Variants in DNAJC5B observed in about 807,000 individuals in gnomAD.
DNAJC5B encodes DnaJ heat shock protein family (Hsp40) member C5 beta.
A neutral mutation model predicts 24.7 loss-of-function variants in DNAJC5B; 23 were observed. The observed-to-expected ratio is 0.93, with a 90% CI of 0.67 to 1.32. The LOEUF (loss-of-function observed/expected upper bound fraction) is 1.32, where lower values mean the gene tolerates loss of function less well. DNAJC5B is among the 40% of genes most tolerant of loss of function. The pLI is 0.00. For missense variants in DNAJC5B, 238 were observed against 240.8 expected, an observed-to-expected ratio of 0.99 and a Z score of 0.08; for synonymous variants, 101 against 90.1, an observed-to-expected ratio of 1.12 and a Z score of -0.68.
intron 3 of DNAJC5B, among the ~76,000 whole-genome samples, chr8:66,066,113 C>T (rs530381601): frequency 1.3e-5 from 2 of 152,224 alleles, no homozygotes; most frequent in East Asian, 3.9e-4. Context: ...AAATGGCCAA[C>T]AAACATATTT....
intron 3 of DNAJC5B, among the ~76,000 whole-genome samples, chr8:66,074,325 G>A (rs768188973): frequency 6.6e-6 from 1 of 152,178 alleles, no homozygotes; most frequent in Non-Finnish European, 1.5e-5. Flanking sequence ...AGAGAATGGA[G>A]CAAAACATTG....
chr8:66,090,804 C>T (rs1586118306), intron 5 of DNAJC5B, among the ~76,000 whole-genome samples: 1 of 152,288 alleles, frequency 6.6e-6, no homozygotes, highest in Non-Finnish European at 1.5e-5. Context: ...CATCCTTCCC[C>T]TTTTTGCCAC....
At chr8:66,079,741 C>G (rs892650050) in intron 4 of DNAJC5B, among the ~76,000 whole-genome samples, 2 of 152,140 alleles carry the variant, frequency 1.3e-5, no homozygotes, top group Non-Finnish European at 2.9e-5. Context: ...ATCAGCAATG[C>G]GCAGCATGGA....
intron 4 of DNAJC5B, 110 bp from the exon 5 acceptor site, chr8:66,080,267 T>C: frequency 6.8e-7 from 1 of 1,463,166 alleles, no homozygotes; most frequent in East Asian, 2.3e-5. Flanking sequence ...TGGGGTGAAC[T>C]GTGAAGTGTT....
chr8:66,066,902 A>G (rs1394951444), intron 3 of DNAJC5B, among the ~76,000 whole-genome samples: 1 of 152,230 alleles, frequency 6.6e-6, no homozygotes. Context: ...AAACAGATGT[A>G]TAAAAACCTG....
rs757736263 is a variant in DNAJC5B at position 66,051,562 on chromosome 8, A to G, written c.15A>G (p.Ile5Met). 20 of 1,613,732 alleles carry G rather than the reference A, an allele frequency of 1.2e-5. 1 individual carries two copies. The South Asian group carries it at 2.0e-4, about 16-fold the overall frequency. The stretch of plus-strand genomic sequence containing the variant: ...AGCCTTAGAAAATGGCATGTAACAT[A>G]CCTAACCAAAGACAGCGGACTCTGT... MACN[I>M]PNQRQRTLST... Residue 5 changes from isoleucine to methionine, a missense_variant, in exon 3 of 6, where the codon ATA (isoleucine) becomes ATG (methionine). Ile to Met is a conservative substitution (Grantham distance 10, BLOSUM62 1). Transcript: ENST00000276570.
At chr8:66,064,781 T>C (rs1480060281) in intron 3 of DNAJC5B, among the ~76,000 whole-genome samples, 1 of 152,142 alleles carries the variant, frequency 6.6e-6, no homozygotes, top group African/African-American at 2.4e-5. Flanking sequence ...CCCACTGGTG[T>C]CAGAAGTTCA....
At chr8:66,083,282 A>T (rs1807644078) in intron 5 of DNAJC5B, among the ~76,000 whole-genome samples, 1 of 151,986 alleles carries the variant, frequency 6.6e-6, no homozygotes, top group African/African-American at 2.4e-5. Context: ...AAGTGTTAGG[A>T]TTACAGGTGT....
At chr8:66,046,247 T>C (rs576913640) in intron 2 of DNAJC5B, among the ~76,000 whole-genome samples, 59 of 152,276 alleles carry the variant, frequency 3.9e-4, no homozygotes, top group African/African-American at 1.4e-3. Context: ...CTTTCCTAAC[T>C]AACCCCTTCA....
chr8:66,034,443 A>C (rs945443367), intron 1 of DNAJC5B, among the ~76,000 whole-genome samples: 2 of 151,994 alleles, frequency 1.3e-5, no homozygotes, highest in Non-Finnish European at 2.9e-5. Context: ...CAGCAGTTAC[A>C]ATGGTGATCT....
At chr8:66,032,790 C>G (rs1445310731) in intron 1 of DNAJC5B, among the ~76,000 whole-genome samples, 1 of 152,220 alleles carries the variant, frequency 6.6e-6, no homozygotes, top group Non-Finnish European at 1.5e-5. Flanking sequence ...TGATACATTG[C>G]TGTTCCTCAT....
At chr8:66,051,797 C>G in intron 3 of DNAJC5B, 131 bp downstream of exon 3, 1 of 691,240 alleles carries the variant, frequency 1.4e-6, no homozygotes, top group Non-Finnish European at 2.5e-6. Context: ...GTTCCCTGCT[C>G]TACAACATAG....
chr8:66,084,695 A>G (rs1486844376), intron 5 of DNAJC5B, among the ~76,000 whole-genome samples: 1 of 152,188 alleles, frequency 6.6e-6, no homozygotes, highest in Non-Finnish European at 1.5e-5. Context: ...GGCACCACTC[A>G]AGGATACCAA....
intron 1 of DNAJC5B, among the ~76,000 whole-genome samples, chr8:66,023,122 G>A (rs1348566248): frequency 6.6e-6 from 1 of 152,194 alleles, no homozygotes; most frequent in Non-Finnish European, 1.5e-5. Context: ...GTTTCCAGGA[G>A]AAACCACACA....
At chr8:66,061,610 A>T (rs10111029) in intron 3 of DNAJC5B, among the ~76,000 whole-genome samples, 15,309 of 144,718 alleles carry the variant, frequency 0.11, 1,133 homozygotes, top group African/African-American at 0.21. Flanking sequence ...AGAGAGAGAG[A>T]GTGTGTGTGT....
At chr8:66,062,035 C>T (rs946964064) in intron 3 of DNAJC5B, among the ~76,000 whole-genome samples, 9 of 152,346 alleles carry the variant, frequency 5.9e-5, no homozygotes, top group Middle Eastern at 3.4e-3. Context: ...AGCACTGCAG[C>T]CTCACAGACA....
rs765749597 is a variant in DNAJC5B, at chr8:66,083,003, CT to C, written c.505+2479del. Among the ~76,000 whole-genome samples, 782 of 86,718 alleles carry C rather than the reference CT, an allele frequency of 9.0e-3. 2 individuals are homozygous for C. The highest frequency in any genetic ancestry group is 0.033 in the African/African-American group (677 of 20,276). 56.9% of individuals were successfully genotyped at this position (86,718 alleles called of 152,430 possible). ...ATTTTGTAATATTTTCTTTTCTTTT[CT>C]TTTTTTTTTTTTTTTTTTTTTTTGA... is the stretch of plus-strand genomic sequence containing the variant. On this transcript the variant is annotated intron_variant, in intron 5 of 5. Transcript: ENST00000276570.
At chr8:66,028,787 A>C (rs1273224330) in intron 1 of DNAJC5B, among the ~76,000 whole-genome samples, 1 of 151,608 alleles carries the variant, frequency 6.6e-6, no homozygotes, top group African/African-American at 2.4e-5. Flanking sequence ...CATCTCTCCA[A>C]CCTCATTTCT....
At chr8:66,027,266 C>T (rs1806266771) in intron 1 of DNAJC5B, among the ~76,000 whole-genome samples, 1 of 152,218 alleles carries the variant, frequency 6.6e-6, no homozygotes, top group Admixed American at 6.5e-5. Context: ...ACAAAACCAG[C>T]TTCCTGCCTC....
Sources: gnomAD v4.1 joint callset for allele counts (sites outside exome capture counted in the v4.1 genomes callset) on GRCh38, gnomAD v4.1.1 for gene constraint, MANE v1.5 for transcripts, NCBI Gene and HGNC (gene_info 2026-07-23, HGNC 2026-07-21) for gene names.